Variants in METTL25 observed in about 807,000 individuals in gnomAD.
The protein encoded by METTL25 is probable methyltransferase-like protein 25.
METTL25 carries 64 observed loss-of-function variants against 71.6 expected under a neutral mutation model. The observed-to-expected ratio is 0.89, with a 90% CI of 0.73 to 1.10. METTL25 has a LOEUF of 1.10. Among genes scored for constraint, METTL25 ranks in the 50% least tolerant of loss-of-function variants. The pLI, the probability that METTL25 is intolerant of heterozygous loss-of-function variation, is 0.00. For missense variants in METTL25, 807 were observed against 707.0 expected (o/e 1.14, Z -1.60); for synonymous variants, 287 against 250.3 (o/e 1.15, Z -1.38).
chr12:82,373,840 C>A (rs554287981), intron 1 of METTL25, among the ~76,000 whole-genome samples: 19 of 152,300 alleles, frequency 1.2e-4, no homozygotes, highest in African/African-American at 3.6e-4. Flanking sequence ...AAGTCTAACA[C>A]CTGTGTCTTT....
chr12:82,442,327 C>A (rs1358077650), intron 8 of METTL25, among the ~76,000 whole-genome samples: 3 of 152,104 alleles, frequency 2.0e-5, no homozygotes, highest in African/African-American at 7.2e-5. Flanking sequence ...CTGAAAACTA[C>A]CCAGATGTCC....
intron 9 of METTL25, among the ~76,000 whole-genome samples, chr12:82,472,554 T>C (rs1892633312): frequency 6.6e-6 from 1 of 152,156 alleles, no homozygotes; most frequent in African/African-American, 2.4e-5. Context: ...GCCGAGGTCC[T>C]GCCACTGCAC....
chr12:82,439,739 T>A, intron 8 of METTL25: 3 of 283,778 alleles, frequency 1.1e-5, no homozygotes, highest in Non-Finnish European at 1.6e-5. Flanking sequence ...TCCTGAAAAC[T>A]AGTTCCTTCT....
intron 5 of METTL25, among the ~76,000 whole-genome samples, chr12:82,424,069 A>G (rs1414563072): frequency 2.0e-5 from 3 of 152,200 alleles, no homozygotes; most frequent in Non-Finnish European, 2.9e-5. Context: ...TCATGCTGCT[A>G]TAAAGACACA....
rs962737000 is a variant in METTL25 at position 82,470,886 on chromosome 12, T to C, written c.1573-5758T>C. Among the ~76,000 whole-genome samples, 9 of 152,304 alleles carry C rather than the reference T, an allele frequency of 5.9e-5. No individual in the cohort carries two copies. In the East Asian group the frequency reaches 1.7e-3, roughly 29 times the overall value. On this transcript the variant is annotated intron_variant, in intron 9 of 11. Coordinates refer to ENST00000248306, the MANE Select transcript of METTL25 (RefSeq NM_032230.3). Reference sequence around the variant, plus strand: ...GGCTAGGTTTGTCAGAAGAGAAACATTTCTACATGAACAGTTAAAGCTGGG... The same window carrying C: ...GGCTAGGTTTGTCAGAAGAGAAACACTTCTACATGAACAGTTAAAGCTGGG...
chr12:82,464,436 A>G (rs1369589099), intron 9 of METTL25, among the ~76,000 whole-genome samples: 7 of 151,730 alleles, frequency 4.6e-5, no homozygotes, highest in Non-Finnish European at 8.8e-5. Flanking sequence ...ACATGGATTT[A>G]TTTCTGGGTT....
chr12:82,401,774 A>T lies in METTL25; in HGVS notation c.1132-1209A>T, dbSNP rs189117899. 7.5e-4 allele frequency among the ~76,000 whole-genome samples: 114 copies of T among 152,200 alleles called. 1 individual carries two copies. The highest frequency in any genetic ancestry group is 2.3e-3 in the African/African-American group (95 of 41,558). On this transcript the variant is annotated intron_variant, in intron 4 of 11. Coordinates refer to ENST00000248306, the MANE Select transcript of METTL25 (RefSeq NM_032230.3). ...TTGAGAGACATGATGATTTAATTTTAAAAAACTAGAAATTAATATACCTAT... is the reference window on the plus strand; with the variant it reads ...TTGAGAGACATGATGATTTAATTTTTAAAAACTAGAAATTAATATACCTAT...
In METTL25 at chr12:82,386,980, A is replaced by G; in HGVS notation, c.424+13A>G. The G allele has an allele frequency of 1.9e-6, 3 of 1,592,872 alleles. No homozygotes were observed. Among genetic ancestry groups the G allele is most frequent in the Non-Finnish European group, 2.6e-6 (3 of 1,166,472 alleles). On this transcript the variant is annotated intron_variant, in intron 2 of 11. Coordinates refer to ENST00000248306, the MANE Select transcript of METTL25 (RefSeq NM_032230.3). ...AACCAGAGAATTGGTATGTCTATTT[A>G]TGTGTGTGTATGTGTGCTTTTTAGG...
chr12:82,358,755 AAGTCAGCGTCGG>A lies in METTL25; in HGVS notation c.193_204del (p.Ser65_Glu68del). 1 of 1,613,880 alleles carries A rather than the reference AAGTCAGCGTCGG, an allele frequency of 6.2e-7. No homozygotes were observed. Among genetic ancestry groups the A allele is most frequent in the Non-Finnish European group, 8.5e-7 (1 of 1,179,984 alleles). ...GGAGACAGTGCTGGCTGCGCTGAGG[AAGTCAGCGTCGG>A]AGACGGAGGCCCTGCCCTCAGAGAC... On this transcript the variant is annotated inframe_deletion, in exon 1 of 12. Coordinates refer to ENST00000248306, the MANE Select transcript of METTL25 (RefSeq NM_032230.3).
chr12:82,434,821 T>A, intron 7 of METTL25, 97 bp downstream of exon 7: 8 of 1,005,754 alleles, frequency 8.0e-6, no homozygotes, highest in South Asian at 6.7e-5. Context: ...TGGAATTTAA[T>A]AAATATCTTG....
In METTL25 at chr12:82,434,730, T is replaced by A. The variant is rs1228226365; in HGVS notation, c.1404+6T>A. On this transcript the variant is annotated splice_donor_region_variant and intron_variant, in intron 7 of 11. Transcript: ENST00000248306. ...GGGTTGCAGCTGGCCAAGGGGTAAG[T>A]AAGAGTGTTAACTGATGAACACGAC... The A allele has an allele frequency of 1.9e-6, 3 of 1,608,722 alleles. No individual in the cohort carries two copies. Among genetic ancestry groups the A allele is most frequent in the African/African-American group, 2.7e-5 (2 of 74,654 alleles).
intron 1 of METTL25, 90 bp from the exon 2 acceptor site, chr12:82,386,713 A>G: frequency 1.9e-6 from 2 of 1,037,330 alleles, no homozygotes; most frequent in Non-Finnish European, 2.8e-6. Context: ...CATTTGTTAT[A>G]CAAATTAAGT....
chr12:82,438,635 A>G (rs1462507716), intron 7 of METTL25, 83 bp from the exon 8 acceptor site: 24 of 794,916 alleles, frequency 3.0e-5, no homozygotes, highest in Non-Finnish European at 4.3e-5. Context: ...TCTGACAGTC[A>G]CGTGTGGTTC....
intron 9 of METTL25, among the ~76,000 whole-genome samples, chr12:82,473,407 A>AG (rs1236209851): frequency 6.6e-6 from 1 of 151,922 alleles, no homozygotes; most frequent in African/African-American, 2.4e-5. Flanking sequence ...TCTCCAGGGG[A>AG]GGGCTGCTTC....
chr12:82,385,347 T>C (rs1884877396), intron 1 of METTL25, among the ~76,000 whole-genome samples: 1 of 152,148 alleles, frequency 6.6e-6, no homozygotes, highest in South Asian at 2.1e-4. Context: ...AATAAGTAAC[T>C]ACAGAAGATT....
chr12:82,459,361 C>T (rs1891705364), intron 9 of METTL25, among the ~76,000 whole-genome samples: 1 of 152,212 alleles, frequency 6.6e-6, no homozygotes, highest in African/African-American at 2.4e-5. Context: ...GCCATGGTGG[C>T]TCACACCTGT....
intron 9 of METTL25, among the ~76,000 whole-genome samples, chr12:82,472,088 C>T (rs565846603): frequency 2.0e-5 from 3 of 152,182 alleles, no homozygotes; most frequent in Middle Eastern, 3.4e-3. Context: ...TACAATCTGT[C>T]TTGGGACATT....
intron 5 of METTL25, among the ~76,000 whole-genome samples, chr12:82,420,894 CA>C (rs1476416033): frequency 6.6e-6 from 1 of 151,568 alleles, no homozygotes; most frequent in Admixed American, 6.6e-5. Context: ...CTCGTTCTGT[CA>C]CCCAGGCTGG....
In METTL25 at chr12:82,392,662, G is replaced by T. The variant is rs147008917; in HGVS notation, c.531+2740G>T. 2.6e-3 allele frequency among the ~76,000 whole-genome samples: 397 copies of T among 152,030 alleles called. 1 individual carries two copies. Among genetic ancestry groups the T allele is most frequent in the Non-Finnish European group, 4.7e-3 (320 of 67,936 alleles). ...CCATTTTTGTCCATTGCCCATTTTT[G>T]CTGTGGTTGCCTATGCTTTTGAGGT... On this transcript the variant is annotated intron_variant, in intron 3 of 11. Coordinates refer to ENST00000248306, the MANE Select transcript of METTL25 (RefSeq NM_032230.3).
Sources: gnomAD v4.1 joint callset for allele counts (sites outside exome capture counted in the v4.1 genomes callset) on GRCh38, gnomAD v4.1.1 for gene constraint, MANE v1.5 for transcripts, NCBI Gene and HGNC (gene_info 2026-07-23, HGNC 2026-07-21) for gene names.